The following VPS13C variants were observed in gnomAD, a reference collection of about 807,000 sequenced individuals.
VPS13C encodes the protein intermembrane lipid transfer protein VPS13C.
Under a neutral mutation model 456.8 loss-of-function variants are expected in VPS13C, and 358 were observed. The ratio of observed to expected loss-of-function variants is 0.78; its 90% CI spans 0.72 to 0.86. VPS13C has a LOEUF of 0.86. Ranked by LOEUF, VPS13C falls within the 40% of genes least tolerant of loss-of-function variation. The pLI, the probability that VPS13C is intolerant of heterozygous loss-of-function variation, is 0.00. For missense variants in VPS13C, 4,818 were observed against 4,385.4 expected (o/e 1.10, Z -2.79); for synonymous variants, 1,578 against 1,486.7 (o/e 1.06, Z -1.41).
chr15:61,865,877 T>C (rs1894549437), intron 81 of VPS13C: 6 of 957,326 alleles, frequency 6.3e-6, no homozygotes, highest in Non-Finnish European at 7.5e-6. Context: ...TCAGTAACTC[T>C]CAAAGCTGCA....
At chr15:61,927,920 T>A (rs529147457) in intron 51 of VPS13C, among the ~76,000 whole-genome samples, 2 of 151,982 alleles carry the variant, frequency 1.3e-5, no homozygotes, top group African/African-American at 4.8e-5. Context: ...GAAACCATCA[T>A]CCTCAGCAAA....
chr15:62,015,795 AG>A (rs2047219301), intron 9 of VPS13C, among the ~76,000 whole-genome samples: 2 of 46,478 alleles, frequency 4.3e-5, no homozygotes, highest in East Asian at 6.9e-4. Flanking sequence ...GGGAGGGGGG[AG>A]GGGGGAGGGA....
intron 82 of VPS13C, among the ~76,000 whole-genome samples, chr15:61,862,741 C>T (rs537311344): frequency 6.6e-6 from 1 of 152,240 alleles, no homozygotes; most frequent in East Asian, 1.9e-4. Flanking sequence ...TGGTTAACCT[C>T]TCTTATCCTG....
chr15:61,926,335 G>A (rs1217967523), intron 52 of VPS13C, among the ~76,000 whole-genome samples: 2 of 152,208 alleles, frequency 1.3e-5, no homozygotes, highest in Non-Finnish European at 2.9e-5. Flanking sequence ...AGTAGTTTGA[G>A]GCTGTAGTGA....
At position 61,954,425 on chromosome 15, in the gene VPS13C, T is replaced by C; in HGVS notation, c.4295A>G (p.Lys1432Arg). The C allele has an allele frequency of 6.2e-7, 1 of 1,603,936 alleles. No individual in the cohort carries two copies. Among genetic ancestry groups the C allele is most frequent in the South Asian group, 1.1e-5 (1 of 87,580 alleles). The change falls in exon 38 of 85, where the codon AAA (lysine) becomes AGA (arginine). Residue 1432 changes from lysine (K) to arginine (R), a missense_variant. By Grantham distance (26) the Lys-to-Arg change is conservative. This residue lies in a region of VPS13C where 4,552 missense variants were observed against 4,130.6 expected (regional missense o/e 1.10). Transcript: ENST00000644861. ...AAACAGATGAAAATTACACACCTCT[T>C]TAATTTCAAAATTCAGCAGCATATT... ...IINMLLNFEIKEVVVTLMKKS... is the reference protein window; with the variant it reads ...IINMLLNFEIREVVVTLMKKS...
At chr15:61,975,805 CCTCA>C (rs1191953151) in intron 24 of VPS13C, among the ~76,000 whole-genome samples, 1 of 151,918 alleles carries the variant, frequency 6.6e-6, no homozygotes, top group African/African-American at 2.4e-5. Flanking sequence ...GACCAATATC[CCTCA>C]CTAACACAAA....
Position 61,963,934 on chromosome 15 carries a change from C to A in VPS13C, c.3232G>T (p.Asp1078Tyr), listed in dbSNP as rs1421423492. 4.4e-6 allele frequency: 7 copies of A among 1,606,870 alleles called. No homozygotes were observed. Among genetic ancestry groups the A allele is most frequent in the Non-Finnish European group, 6.0e-6 (7 of 1,174,548 alleles). ...AGCCTGAAATCAATAATGTCACTAT[C>A]TCTGGAGGATACAATCGCTAAAAAT... ...TLPKAIVSSR[D>Y]SDIIDFRLFA... Residue 1078 changes from aspartate to tyrosine, a missense_variant, in exon 32 of 85, where the codon GAT becomes TAT. Asp to Tyr is a radical substitution (Grantham distance 160). Around this residue, in one of 3 missense-constraint regions of VPS13C, gnomAD observed 4,552 missense variants for 4,130.6 expected, o/e 1.10. Coordinates refer to ENST00000644861, the MANE Select transcript of VPS13C (RefSeq NM_020821.3).
chr15:62,040,481 C>T (rs967030167), intron 3 of VPS13C, among the ~76,000 whole-genome samples: 2 of 151,824 alleles, frequency 1.3e-5, no homozygotes, highest in African/African-American at 4.8e-5. Flanking sequence ...ATATATATAC[C>T]TACTATGTAT....
chr15:61,916,025 A>G lies in VPS13C; in HGVS notation c.8056-3T>C. 6.5e-7 allele frequency: 1 copy of G among 1,541,414 alleles called. No homozygotes were observed. The highest frequency in any genetic ancestry group is 8.7e-7 in the Non-Finnish European group (1 of 1,145,550). ...AGCTCATGAGTTTCTGCTGTTCCCT[A>G]AAAACAAACAAAAATTCGCTGAGTA... On this transcript the variant is annotated splice_polypyrimidine_tract_variant and splice_region_variant and intron_variant, in intron 60 of 84. Coordinates refer to ENST00000644861, the MANE Select transcript of VPS13C (RefSeq NM_020821.3).
chr15:61,925,730 A>C lies in VPS13C; in HGVS notation c.6517-182T>G, dbSNP rs372116350. Among the ~76,000 whole-genome samples, 3 of 152,362 alleles carry C rather than the reference A, an allele frequency of 2.0e-5. No individual in the cohort carries two copies. In the East Asian group the frequency reaches 5.8e-4, roughly 29 times the overall value. ...TGTGAAGACTCTTCTGAACTATGAG[A>C]AATCTGTGAACACTGGAAAATCACT... On this transcript the variant is annotated intron_variant, in intron 52 of 84. Coordinates refer to ENST00000644861, the MANE Select transcript of VPS13C (RefSeq NM_020821.3).
intron 16 of VPS13C, among the ~76,000 whole-genome samples, chr15:61,997,748 T>C (rs1368445352): frequency 6.6e-6 from 1 of 152,134 alleles, no homozygotes; most frequent in African/African-American, 2.4e-5. Context: ...CCCTTTCTGA[T>C]CACCTTTATT....
chr15:61,910,101 A>G lies in VPS13C; in HGVS notation c.8844+76T>C, dbSNP rs1434227522. ...TGTAACAAACCTGCACGTTCTGCAC[A>G]TGTACCCTAGAACTTAAAGTATAAT... On this transcript the variant is annotated intron_variant, in intron 64 of 84. Coordinates refer to ENST00000644861, the MANE Select transcript of VPS13C (RefSeq NM_020821.3). The G allele has an allele frequency of 8.9e-5, 80 of 896,434 alleles. 1 individual carries two copies. The highest frequency in any genetic ancestry group is 1.0e-4 in the Non-Finnish European group (75 of 726,578). The allele number at this position is 896,434 out of a possible 1,614,324, so 55.5% of individuals were successfully genotyped here.
intron 22 of VPS13C, 99 bp downstream of exon 22, chr15:61,981,243 T>C: frequency 1.5e-6 from 2 of 1,331,430 alleles, no homozygotes; most frequent in Non-Finnish European, 2.0e-6. Flanking sequence ...AGTCTACATT[T>C]AGTTTAGTGA....
chr15:61,988,194 C>T (rs2046117396), intron 18 of VPS13C, among the ~76,000 whole-genome samples: 1 of 152,006 alleles, frequency 6.6e-6, no homozygotes, highest in African/African-American at 2.4e-5. Context: ...TTTTGCAAGG[C>T]AAAAGAAGAA....
rs972827400 is a variant in VPS13C at position 61,910,415 on chromosome 15, T to C, written c.8716-110A>G. 1.0e-4 allele frequency: 94 copies of C among 906,924 alleles called. 2 individuals are homozygous for C. The Middle Eastern group carries it at 2.8e-3, about 27-fold the overall frequency. 56.2% of individuals were successfully genotyped at this position (906,924 alleles called of 1,614,324 possible). On this transcript the variant is annotated intron_variant, in intron 63 of 84. Transcript: ENST00000644861. ...GATTCTGATCTTGATTAAATTATTATGAAGTTTCTAAAAATATGTCCTCTA... is the reference window on the plus strand; with the variant it reads ...GATTCTGATCTTGATTAAATTATTACGAAGTTTCTAAAAATATGTCCTCTA...
chr15:61,958,611 T>C lies in VPS13C; in HGVS notation c.4162A>G (p.Thr1388Ala), dbSNP rs200217775. 2.5e-5 allele frequency: 38 copies of C among 1,550,752 alleles called. No individual in the cohort carries two copies. The Admixed American group carries it at 2.8e-4, about 11-fold the overall frequency. Residue 1388 changes from threonine to alanine, a missense_variant, in exon 37 of 85, where the codon ACA (threonine) becomes GCA (alanine). Physicochemically the swap from Thr to Ala is moderately conservative, Grantham distance 58. Transcript: ENST00000644861. ...LDKVKPRVQE[T>A]GEIKEPLEIS... ...CCACTTACTGTCAGCCTCTTACCTG[T>C]CTCTTGTACTCTTGGTTTCACTTTA...
intron 82 of VPS13C, chr15:61,856,687 C>CTTTTTTTTTTTTTTTTTTTTTTTTT (rs542779595): frequency 1.8e-5 from 2 of 112,880 alleles, no homozygotes; most frequent in Non-Finnish European, 3.2e-5. Context: ...TTTTTCTTTT[C>CTTTTTTTTTTTTTTTTTTTTTTTTT]TTTTTTTTTT....
intron 47 of VPS13C, among the ~76,000 whole-genome samples, chr15:61,940,333 C>T (rs184980335): frequency 6.6e-6 from 1 of 152,296 alleles, no homozygotes; most frequent in East Asian, 1.9e-4. Flanking sequence ...TTATCTCAGA[C>T]TCCTTGCTGG....
At position 61,907,393 on chromosome 15, in the gene VPS13C, A is replaced by G. The variant is rs1047849050; in HGVS notation, c.8979-3T>C. The G allele has an allele frequency of 6.2e-7, 1 of 1,613,442 alleles. No individual in the cohort carries two copies. Among genetic ancestry groups the G allele is most frequent in the African/African-American group, 1.3e-5 (1 of 74,924 alleles). On this transcript the variant is annotated splice_region_variant and splice_polypyrimidine_tract_variant and intron_variant, in intron 65 of 84. Transcript: ENST00000644861. The stretch of plus-strand genomic sequence containing the variant: ...AGACCATTTCTTCTGGTGACCCACT[A>G]AAACACAATGAACAGAGAGAAAATC...
Sources: gnomAD v4.1 joint callset for allele counts (sites outside exome capture counted in the v4.1 genomes callset) on GRCh38, gnomAD v4.1.1 for gene constraint, gnomAD v4.1.1 regional missense constraint, MANE v1.5 for transcripts, NCBI Gene and HGNC (gene_info 2026-07-23, HGNC 2026-07-21) for gene names.